The following SIN3A variants were observed in gnomAD, a reference collection of about 807,000 sequenced individuals.
SIN3A encodes SIN3 transcription regulator family member A.
Under a neutral mutation model 146.1 loss-of-function variants are expected in SIN3A, and 14 were observed. The observed-to-expected ratio is 0.10, with a 90% CI of 0.06 to 0.15. SIN3A has a LOEUF of 0.15. SIN3A is among the 10% of genes least tolerant of loss of function. SIN3A has a pLI of 1.00. For missense variants in SIN3A, 1,028 were observed against 1,576.0 expected, an observed-to-expected ratio of 0.65 and a Z score of 5.89; for synonymous variants, 572 against 572.0, an observed-to-expected ratio of 1.00 and a Z score of 0.00.
intron 1 of SIN3A, among the ~76,000 whole-genome samples, chr15:75,444,214 C>T (rs2074265615): frequency 6.6e-6 from 1 of 152,098 alleles, no homozygotes; most frequent in South Asian, 2.1e-4. Flanking sequence ...CCTGTAATCG[C>T]AGCACTTCGA....
chr15:75,409,807 C>T (rs192297986), intron 8 of SIN3A, 29 bp downstream of exon 8: 1 of 1,606,594 alleles, frequency 6.2e-7, no homozygotes, highest in African/African-American at 1.3e-5. Context: ...TTGTGAGTGT[C>T]AAAATGAGCA....
rs77137664 is a variant in SIN3A at position 75,446,776 on chromosome 15, C to T, written c.-34+4647G>A. Among the ~76,000 whole-genome samples, 1,203 of 149,156 alleles carry T rather than the reference C, an allele frequency of 8.1e-3. 20 individuals carry two copies. Among genetic ancestry groups the T allele is most frequent in the African/African-American group, 0.028 (1,139 of 40,688 alleles). On this transcript the variant is annotated intron_variant, in intron 1 of 20. Transcript: ENST00000394947. ...AAAATGGTGAAATTACAGACATATC[C>T]TTTTTTTTTTCTTTTGAGACAGTCT...
At position 75,431,116 on chromosome 15, in the gene SIN3A, T is replaced by C. The variant is rs938825410; in HGVS notation, c.-33-708A>G. ...TAAATCCTCTCAAAACCTACTACTATAATTGTGGTCTAATTTAAAATTTGT... is the reference window on the plus strand; with the variant it reads ...TAAATCCTCTCAAAACCTACTACTACAATTGTGGTCTAATTTAAAATTTGT... On this transcript the variant is annotated intron_variant, in intron 1 of 20. Coordinates refer to ENST00000394947, the MANE Select transcript of SIN3A (RefSeq NM_001145358.2). Among the ~76,000 whole-genome samples, 6 of 152,326 alleles carry C rather than the reference T, an allele frequency of 3.9e-5. No individual in the cohort carries two copies. In the South Asian group the frequency reaches 6.2e-4, roughly 16 times the overall value.
chr15:75,435,953 C>A (rs1367113291), intron 1 of SIN3A, among the ~76,000 whole-genome samples: 1 of 151,808 alleles, frequency 6.6e-6, no homozygotes, highest in African/African-American at 2.4e-5. Flanking sequence ...TGGGATGACC[C>A]TGTCTCTACA....
intron 8 of SIN3A, among the ~76,000 whole-genome samples, chr15:75,407,752 G>A (rs1459529313): frequency 6.6e-6 from 1 of 151,628 alleles, no homozygotes; most frequent in Non-Finnish European, 1.5e-5. Flanking sequence ...AATTAGCTGG[G>A]CGTGGTAGTG....
chr15:75,441,005 A>G (rs1211223855), intron 1 of SIN3A, among the ~76,000 whole-genome samples: 2 of 149,838 alleles, frequency 1.3e-5, no homozygotes, highest in Non-Finnish European at 3.0e-5. Context: ...AAAAAAAAGA[A>G]CAAGAAAAAG....
chr15:75,402,454 G>A (rs1367316469), intron 9 of SIN3A, among the ~76,000 whole-genome samples: 2 of 151,886 alleles, frequency 1.3e-5, no homozygotes, highest in Non-Finnish European at 2.9e-5. Context: ...GGAGGCAGAC[G>A]TTGCAGTGAG....
intron 9 of SIN3A, among the ~76,000 whole-genome samples, chr15:75,406,286 C>T (rs1248372916): frequency 2.0e-5 from 3 of 152,218 alleles, no homozygotes; most frequent in Non-Finnish European, 4.4e-5. Context: ...TCTCAACTCT[C>T]GTTGCTCATT....
In SIN3A at chr15:75,411,667, G is replaced by A. The variant is rs751280333; in HGVS notation, c.833C>T (p.Pro278Leu). The A allele has an allele frequency of 5.0e-6, 8 of 1,614,110 alleles. No individual in the cohort carries two copies. The highest frequency in any genetic ancestry group is 5.9e-6 in the Non-Finnish European group (7 of 1,179,996). ...CACTGGTGTGTGAGGCTGGACCGGC[G>A]GAGAACGTGGGGATGCATACGGTGG... ...PLPPYASPRS[P>L]PVQPHTPVTI... The change falls in exon 6 of 21, where the codon CCG (proline) becomes CTG (leucine). Residue 278 changes from proline to leucine, a missense_variant. Around this residue, in one of 9 missense-constraint regions of SIN3A, gnomAD observed 112 missense variants for 135.7 expected, o/e 0.83. Transcript: ENST00000394947.
upstream of SIN3A, among the ~76,000 whole-genome samples, chr15:75,452,609 G>C (rs896664806): frequency 3.3e-5 from 5 of 152,338 alleles, no homozygotes; most frequent in East Asian, 9.7e-4. Context: ...AAACTCCCTA[G>C]AGCTGAATAT....
At position 75,369,736 on chromosome 15, in the gene SIN3A, C is replaced by T. The variant is rs1403936601; in HGVS notation, c.*2243G>A. 2 of 152,214 alleles carry T rather than the reference C, an allele frequency of 1.3e-5. No individual in the cohort carries two copies. Among genetic ancestry groups the T allele is most frequent in the Non-Finnish European group, 2.9e-5 (2 of 68,046 alleles). The allele number at this position is 152,214 out of a possible 1,614,324, so 9.4% of individuals were successfully genotyped here. On this transcript the variant is annotated 3_prime_UTR_variant, in exon 21 of 21. Transcript: ENST00000394947. ...CAGCTGGGGCTGACCCTGATCACAC[C>T]CCACCAATTTCCCCTATGGTTCCAG...
intron 16 of SIN3A, 21 bp from the exon 17 acceptor site, chr15:75,384,458 G>C (rs769453751): frequency 1.3e-6 from 2 of 1,528,278 alleles, no homozygotes; most frequent in Non-Finnish European, 1.8e-6. Flanking sequence ...ACAAAGGCAA[G>C]CTTTTAGTGA....
intron 1 of SIN3A, among the ~76,000 whole-genome samples, chr15:75,444,546 TA>T (rs919994011): frequency 5.4e-4 from 79 of 145,822 alleles, no homozygotes; most frequent in Admixed American, 5.5e-4. Flanking sequence ...AGTACTGCTT[TA>T]AAAAAAAAAA....
chr15:75,440,002 T>G (rs1362257899), intron 1 of SIN3A, among the ~76,000 whole-genome samples: 1 of 150,950 alleles, frequency 6.6e-6, no homozygotes, highest in African/African-American at 2.4e-5. Context: ...AACACAAAAA[T>G]TAGCTGGGCG....
chr15:75,390,896 A>G (rs760919056), intron 15 of SIN3A, among the ~76,000 whole-genome samples: 2 of 152,334 alleles, frequency 1.3e-5, no homozygotes, highest in African/African-American at 2.4e-5. Flanking sequence ...ACTTCAACAA[A>G]AAGTTGACTA....
chr15:75,451,347 C>T (rs1446949926), intron 1 of SIN3A, 76 bp downstream of exon 1: 1 of 130,064 alleles, frequency 7.7e-6, no homozygotes, highest in African/African-American at 2.7e-5. Flanking sequence ...CCCCCCCCCC[C>T]CAAAATACAC....
Position 75,412,771 on chromosome 15 carries a change from C to G in SIN3A, c.748G>C (p.Val250Leu), listed in dbSNP as rs1478223666. The change falls in exon 5 of 21, where the codon GTC (valine) becomes CTC (leucine). Residue 250 changes from valine to leucine, a missense_variant. Around this residue, in one of 9 missense-constraint regions of SIN3A, gnomAD observed 112 missense variants for 135.7 expected, o/e 0.83. Coordinates refer to ENST00000394947, the MANE Select transcript of SIN3A (RefSeq NM_001145358.2). The stretch of plus-strand genomic sequence containing the variant: ...ATTTTCCAAGTGCTCACCTTGCTGA[C>G]TTTGGCAGGTGGGGGCTGAGGAGCT... ...QPAPQPPPAK[V>L]SKPSQLQAHT... 2.5e-6 allele frequency: 4 copies of G among 1,579,212 alleles called. No homozygotes were observed. Among genetic ancestry groups the G allele is most frequent in the South Asian group, 1.2e-5 (1 of 86,602 alleles).
intron 1 of SIN3A, among the ~76,000 whole-genome samples, chr15:75,440,211 T>G (rs2074182715): frequency 1.3e-5 from 2 of 152,024 alleles, no homozygotes; most frequent in African/African-American, 4.8e-5. Flanking sequence ...ACTTACTATT[T>G]TAACAAGAAT....
chr15:75,431,066 G>A (rs565410372), intron 1 of SIN3A, among the ~76,000 whole-genome samples: 81 of 152,280 alleles, frequency 5.3e-4, no homozygotes, highest in African/African-American at 1.3e-3. Flanking sequence ...GTGAGCCACC[G>A]CGCCCGGCCT....
Sources: gnomAD v4.1 joint callset for allele counts (sites outside exome capture counted in the v4.1 genomes callset) on GRCh38, gnomAD v4.1.1 for gene constraint, gnomAD v4.1.1 regional missense constraint, MANE v1.5 for transcripts, NCBI Gene and HGNC (gene_info 2026-07-23, HGNC 2026-07-21) for gene names.